DENND2B: variants seen among roughly 807,000 people sequenced by gnomAD.
DENND2B encodes DENN domain containing 2B.
DENND2B carries 32 observed loss-of-function variants against 116.0 expected under a neutral mutation model. The ratio of observed to expected loss-of-function variants is 0.28; its 90% CI spans 0.21 to 0.37. The LOEUF is 0.37. Ranked by LOEUF, DENND2B falls within the 10% of genes least tolerant of loss-of-function variation. DENND2B has a pLI of 1.00. For missense variants in DENND2B, 1,276 were observed against 1,477.7 expected (o/e 0.86, Z 2.24); for synonymous variants, 588 against 583.9 (o/e 1.01, Z -0.10).
chr11:8,742,165 G>A (rs1330835459), intron 2 of DENND2B, among the ~76,000 whole-genome samples: 1 of 152,200 alleles, frequency 6.6e-6, no homozygotes, highest in African/African-American at 2.4e-5. Flanking sequence ...CTCCCAAAGT[G>A]CTGGGATTAC....
At chr11:8,779,798 A>C (rs962093205) in intron 1 of DENND2B, among the ~76,000 whole-genome samples, 1 of 152,192 alleles carries the variant, frequency 6.6e-6, no homozygotes, top group Non-Finnish European at 1.5e-5. Context: ...TACAGGCGTG[A>C]GCCACCACGC....
intron 1 of DENND2B, among the ~76,000 whole-genome samples, chr11:8,762,300 A>C (rs2054806467): frequency 6.6e-6 from 1 of 152,074 alleles, no homozygotes; most frequent in African/African-American, 2.4e-5. Flanking sequence ...GTGCTCAAAC[A>C]CACCAGGTGT....
In DENND2B at chr11:8,786,743, G is replaced by A. The variant is rs569582191; in HGVS notation, c.-26+23774C>T. On this transcript the variant is annotated intron_variant, in intron 1 of 19. Coordinates refer to ENST00000313726, the MANE Select transcript of DENND2B (RefSeq NM_213618.2). ...AAGGATCACTTGAGCCCAGGAGGTC[G>A]AGGCTTCAAGGCTGCAGTGATCTTG... 3.9e-5 allele frequency among the ~76,000 whole-genome samples: 6 copies of A among 152,258 alleles called. No homozygotes were observed. The South Asian group carries it at 8.3e-4, about 21-fold the overall frequency.
chr11:8,724,683 C>T (rs1231475562), intron 4 of DENND2B, among the ~76,000 whole-genome samples: 2 of 152,186 alleles, frequency 1.3e-5, no homozygotes, highest in Admixed American at 1.3e-4. Flanking sequence ...AATGGAGTCT[C>T]GCATTTCTGC....
chr11:8,835,697 T>C (rs2062394073), intron 4 of DENND2B: 1 of 152,174 alleles, frequency 6.6e-6, no homozygotes, highest in South Asian at 2.1e-4. Flanking sequence ...GAGGACGCAC[T>C]GGATATTATG....
chr11:8,708,096 A>C lies in DENND2B; in HGVS notation c.2353-242T>G. ...GTACCAGGCTCCTGCCAGGCTCCACACAGGCTCCACCCTTCCTCCCAGGAG... is the reference window on the plus strand; with the variant it reads ...GTACCAGGCTCCTGCCAGGCTCCACCCAGGCTCCACCCTTCCTCCCAGGAG... On this transcript the variant is annotated intron_variant, in intron 11 of 19. Transcript: ENST00000313726. 6 of 1,440,766 alleles carry C rather than the reference A, an allele frequency of 4.2e-6. No individual in the cohort carries two copies. In the South Asian group the frequency reaches 8.1e-5, roughly 19 times the overall value. 89.2% of individuals were successfully genotyped at this position (1,440,766 alleles called of 1,614,324 possible). A position where few individuals can be genotyped will look rare whatever the true frequency, so the allele number is the denominator to read the frequency against.
chr11:8,843,043 GTC>G (rs2062679146), intron 3 of DENND2B, among the ~76,000 whole-genome samples: 1 of 151,174 alleles, frequency 6.6e-6, no homozygotes, highest in Non-Finnish European at 1.5e-5. Flanking sequence ...TTGAAATGCA[GTC>G]TCACTCTGTC....
At chr11:8,876,543 C>A (rs757874436) in intron 2 of DENND2B, among the ~76,000 whole-genome samples, 34 of 151,990 alleles carry the variant, frequency 2.2e-4, no homozygotes, top group Non-Finnish European at 4.6e-4. Context: ...TTTTATCCTG[C>A]TATGTTGTTT....
At chr11:8,742,180 G>A (rs1053082840) in intron 2 of DENND2B, among the ~76,000 whole-genome samples, 2 of 152,176 alleles carry the variant, frequency 1.3e-5, no homozygotes, top group African/African-American at 4.8e-5. Flanking sequence ...GATTACAAGC[G>A]TGAGCCACTG....
intron 9 of DENND2B, among the ~76,000 whole-genome samples, chr11:8,711,465 C>T (rs928467528): frequency 5.3e-5 from 8 of 152,098 alleles, no homozygotes; most frequent in African/African-American, 1.9e-4. Flanking sequence ...CGCCAGGGCT[C>T]TTGGCTCTCA....
rs554128701 is a variant in DENND2B at position 8,745,365 on chromosome 11, C to T, written c.80+5256G>A. Among the ~76,000 whole-genome samples the T allele has an allele frequency of 5.9e-5, 9 of 152,260 alleles. No individual in the cohort carries two copies. In the South Asian group the frequency reaches 1.9e-3, roughly 32 times the overall value. On this transcript the variant is annotated intron_variant, in intron 2 of 19. Transcript: ENST00000313726. ...CCACCGCACCCGGCCCTATCTGTAC[C>T]TGATTTTGGTGACAAGATTCCATTG...
chr11:8,711,270 G>T, intron 9 of DENND2B, 39 bp from the exon 10 acceptor site: 1 of 1,594,184 alleles, frequency 6.3e-7, no homozygotes. Context: ...CATGGAACCT[G>T]AGGGCGGGTG....
intron 1 of DENND2B, among the ~76,000 whole-genome samples, chr11:8,806,605 AACACACACACACACACACAC>A (rs71059180): frequency 8.4e-6 from 1 of 118,494 alleles, no homozygotes; most frequent in African/African-American, 3.1e-5. Context: ...CTCCCTTCAA[AACACACACACACACACACAC>A]ACACACACAC....
At position 8,900,269 on chromosome 11, in the gene DENND2B, CA is replaced by C. The variant is rs58137458; in HGVS notation, c.-256+10551del. On this transcript the variant is annotated intron_variant, in intron 1 of 22. Transcript: ENST00000534127. ...TGAAACCCCGTCTCTACTAAAAATA[CA>C]AAAAAAAAAAAAATTAGCTGGGTGT... Among the ~76,000 whole-genome samples the C allele has an allele frequency of 4.5e-3, 624 of 140,148 alleles. 5 individuals are homozygous for C. The highest frequency in any genetic ancestry group is 6.1e-3 in the African/African-American group (229 of 37,566). 91.9% of individuals were successfully genotyped at this position (140,148 alleles called of 152,430 possible).
intron 1 of DENND2B, among the ~76,000 whole-genome samples, chr11:8,791,981 G>A (rs34090393): frequency 0.46 from 41,090 of 89,020 alleles, 6,260 homozygotes; most frequent in Middle Eastern, 0.6. Context: ...AAGGCGCGTG[G>A]ATCACCTGAG....
At chr11:8,790,383 A>G (rs761888184) in intron 1 of DENND2B, among the ~76,000 whole-genome samples, 1 of 152,176 alleles carries the variant, frequency 6.6e-6, no homozygotes, top group Non-Finnish European at 1.5e-5. Flanking sequence ...GGTAAGTGCT[A>G]TATGTCTGTG....
chr11:8,696,698 G>A lies in DENND2B; in HGVS notation c.3053-32C>T, dbSNP rs765025927. ...GGGAAAAGACAATCTTTGAGGTTCA[G>A]GTCAAGAGCCTGCAAAGCCTTCCTC... On this transcript the variant is annotated intron_variant, in intron 17 of 19. Transcript: ENST00000313726. 1.9e-6 allele frequency: 3 copies of A among 1,607,578 alleles called. No homozygotes were observed. The African/African-American group carries it at 4.0e-5, about 22-fold the overall frequency.
At chr11:8,713,396 T>C (rs1320625388) in intron 8 of DENND2B, among the ~76,000 whole-genome samples, 1 of 152,096 alleles carries the variant, frequency 6.6e-6, no homozygotes. Flanking sequence ...AATTTTTTTT[T>C]TGAGACAGAG....
chr11:8,884,595 C>A (rs1402330542), intron 1 of DENND2B, among the ~76,000 whole-genome samples: 1 of 152,070 alleles, frequency 6.6e-6, no homozygotes, highest in Non-Finnish European at 1.5e-5. Flanking sequence ...ATTCAGTGAT[C>A]GATGGTTACA....
Sources: gnomAD v4.1 joint callset for allele counts (sites outside exome capture counted in the v4.1 genomes callset) on GRCh38, gnomAD v4.1.1 for gene constraint, MANE v1.5 for transcripts, NCBI Gene and HGNC (gene_info 2026-07-23, HGNC 2026-07-21) for gene names.